The following CACNB2 variants were observed in gnomAD, a reference collection of about 807,000 sequenced individuals.
CACNB2 encodes the protein voltage-dependent L-type calcium channel subunit beta-2.
CACNB2 carries 42 observed loss-of-function variants against 73.3 expected under a neutral mutation model. That is an observed-to-expected ratio of 0.57 (90% CI 0.45 to 0.74). The LOEUF is 0.74. Ranked by LOEUF, CACNB2 falls within the 30% of genes least tolerant of loss-of-function variation. CACNB2 has a pLI of 0.00. For synonymous variants in CACNB2, 348 were observed against 310.3 expected, an observed-to-expected ratio of 1.12 and a Z score of -1.28; for missense variants, 940 against 853.0, an observed-to-expected ratio of 1.10 and a Z score of -1.27.
At chr10:18,501,837 G>C (rs1432952026) in intron 5 of CACNB2, among the ~76,000 whole-genome samples, 1 of 152,054 alleles carries the variant, frequency 6.6e-6, no homozygotes, top group Non-Finnish European at 1.5e-5. Flanking sequence ...TTGTGGTTTG[G>C]AACACCCATC....
chr10:18,228,004 T>C (rs1423054536), intron 2 of CACNB2, among the ~76,000 whole-genome samples: 1 of 152,142 alleles, frequency 6.6e-6, no homozygotes, highest in Non-Finnish European at 1.5e-5. Context: ...AAAAAAAAAT[T>C]TGCAGTCAAC....
chr10:18,408,231 CTTTTT>C (rs71402161), intron 3 of CACNB2, among the ~76,000 whole-genome samples: 1,727 of 78,030 alleles, frequency 0.022, 48 homozygotes, highest in African/African-American at 0.084. Flanking sequence ...CTATCCCTGA[CTTTTT>C]TTTTTTTTTT....
intron 4 of CACNB2, 143 bp downstream of exon 4, chr10:18,498,620 C>G (rs2133013092): frequency 2.4e-6 from 2 of 834,850 alleles, no homozygotes; most frequent in East Asian, 2.6e-5. Flanking sequence ...ATCAATGGCT[C>G]TCAACCTCTG....
At chr10:18,494,645 AAAAAG>A (rs1345630073) in intron 3 of CACNB2, among the ~76,000 whole-genome samples, 22 of 151,334 alleles carry the variant, frequency 1.5e-4, no homozygotes, top group African/African-American at 4.1e-4. Context: ...AAAAAAAAAA[AAAAAG>A]AAAAGAAAAG....
chr10:18,142,013 T>C (rs1012056501), intron 1 of CACNB2, among the ~76,000 whole-genome samples: 1 of 152,164 alleles, frequency 6.6e-6, no homozygotes, highest in Non-Finnish European at 1.5e-5. Flanking sequence ...TAGAGTATCA[T>C]TTGCTGTAGT....
intron 2 of CACNB2, among the ~76,000 whole-genome samples, chr10:18,309,395 C>T (rs756878846): frequency 1.3e-5 from 2 of 152,116 alleles, no homozygotes; most frequent in South Asian, 2.1e-4. Context: ...GTGGTTGGGT[C>T]GGGGCTGCAT....
intron 2 of CACNB2, among the ~76,000 whole-genome samples, chr10:18,370,713 A>G (rs2042544477): frequency 6.6e-6 from 1 of 152,174 alleles, no homozygotes; most frequent in Non-Finnish European, 1.5e-5. Context: ...TAAAATTTCC[A>G]TCATTCTTTA....
chr10:18,380,342 G>C (rs11013938), intron 2 of CACNB2, among the ~76,000 whole-genome samples: 34,942 of 151,794 alleles, frequency 0.23, 4,207 homozygotes, highest in Middle Eastern at 0.36. Flanking sequence ...AGTCTAACTA[G>C]GAGAACCAAA....
intron 2 of CACNB2, among the ~76,000 whole-genome samples, chr10:18,230,366 C>G (rs748755124): frequency 2.6e-5 from 4 of 152,124 alleles, no homozygotes; most frequent in African/African-American, 4.8e-5. Flanking sequence ...ACTCAAGTTG[C>G]CTGTTCCCTC....
rs576430631 is a variant in CACNB2 at position 18,326,657 on chromosome 10, G to T, written c.214-75267G>T. Among the ~76,000 whole-genome samples the T allele has an allele frequency of 1.1e-4, 16 of 152,312 alleles. No homozygotes were observed. In the South Asian group the frequency reaches 3.3e-3, roughly 32 times the overall value. ...CTTCACTTTTCTTTGGAATATGACA[G>T]TTTACCCCTCTGACCACATGAACCT... On this transcript the variant is annotated intron_variant, in intron 2 of 13. Transcript: ENST00000324631.
At chr10:18,404,946 T>C (rs938574810) in intron 3 of CACNB2, among the ~76,000 whole-genome samples, 1 of 152,200 alleles carries the variant, frequency 6.6e-6, no homozygotes, top group African/African-American at 2.4e-5. Context: ...CATGACATTG[T>C]TTTTTAACGT....
chr10:18,310,307 A>T (rs957505869), intron 2 of CACNB2, among the ~76,000 whole-genome samples: 1 of 152,102 alleles, frequency 6.6e-6, no homozygotes, highest in Non-Finnish European at 1.5e-5. Context: ...CATACAATTT[A>T]AAAAAGTGAT....
At position 18,405,602 on chromosome 10, in the gene CACNB2, C is replaced by T. The variant is rs996607382; in HGVS notation, c.333+3559C>T. Among the ~76,000 whole-genome samples, 14 of 152,146 alleles carry T rather than the reference C, an allele frequency of 9.2e-5. 1 individual carries two copies. The highest frequency in any genetic ancestry group is 9.2e-4 in the Admixed American group (14 of 15,276). ...CTTTGATCCTCAAAAACGATGCCTT[C>T]TGCCCTATATACAGGGACTCTGAGT... On this transcript the variant is annotated intron_variant, in intron 3 of 13. Coordinates refer to ENST00000324631, the MANE Select transcript of CACNB2 (RefSeq NM_201596.3).
In CACNB2 at chr10:18,207,881, G is replaced by A. The variant is rs74117906; in HGVS notation, c.213+56906G>A. 8.1e-3 allele frequency among the ~76,000 whole-genome samples: 1,237 copies of A among 152,146 alleles called. 20 individuals carry two copies. The highest frequency in any genetic ancestry group is 0.028 in the African/African-American group (1,179 of 41,516). Reference sequence around the variant, plus strand: ...TTACAAATAAGTAAAAAGAATCATCGTTATGAAAAAGGAGTTATCATTGTA... The same window carrying A: ...TTACAAATAAGTAAAAAGAATCATCATTATGAAAAAGGAGTTATCATTGTA... On this transcript the variant is annotated intron_variant, in intron 2 of 13. Transcript: ENST00000324631.
In CACNB2 at chr10:18,220,247, A is replaced by G. The variant is rs1179542442; in HGVS notation, c.213+69272A>G. On this transcript the variant is annotated intron_variant, in intron 2 of 13. Coordinates refer to ENST00000324631, the MANE Select transcript of CACNB2 (RefSeq NM_201596.3). The stretch of plus-strand genomic sequence containing the variant: ...TATATATATATAGAGAGAGAGAGAG[A>G]GAGAGAGAGAGAGAGAGAGAGAGAG... Among the ~76,000 whole-genome samples the G allele has an allele frequency of 3.7e-3, 372 of 101,594 alleles. 28 individuals carry two copies. The highest frequency in any genetic ancestry group is 0.018 in the African/African-American group (362 of 19,868). The allele number at this position is 101,594 out of a possible 152,430, so 66.6% of individuals were successfully genotyped here.
rs898896994 is a variant in CACNB2 at position 18,176,883 on chromosome 10, G to A, written c.213+25908G>A. 5.9e-5 allele frequency among the ~76,000 whole-genome samples: 9 copies of A among 151,936 alleles called. No individual in the cohort carries two copies. In the South Asian group the frequency reaches 6.3e-4, roughly 11 times the overall value. On this transcript the variant is annotated intron_variant, in intron 2 of 13. Coordinates refer to ENST00000324631, the MANE Select transcript of CACNB2 (RefSeq NM_201596.3). ...TTCAGGGGACATTGAGAAGGTATGC[G>A]GGGAATGAGTGAAGATAAGGAAGAG...
intron 3 of CACNB2, among the ~76,000 whole-genome samples, chr10:18,465,711 T>A (rs1271929843): frequency 6.7e-6 from 1 of 150,048 alleles, no homozygotes; most frequent in Non-Finnish European, 1.5e-5. Flanking sequence ...AGATGGCCTC[T>A]CCCTTTGTCA....
At chr10:18,313,632 A>G (rs1205522752) in intron 2 of CACNB2, among the ~76,000 whole-genome samples, 2 of 152,220 alleles carry the variant, frequency 1.3e-5, no homozygotes, top group Non-Finnish European at 2.9e-5. Context: ...AGGAGAATGT[A>G]ATTAAGATTA....
At chr10:18,472,312 C>G (rs1299855624) in intron 3 of CACNB2, among the ~76,000 whole-genome samples, 1 of 143,276 alleles carries the variant, frequency 7.0e-6, no homozygotes, top group Non-Finnish European at 1.5e-5. Context: ...TCTCGGCTCA[C>G]TGCAACCTCT....
Sources: gnomAD v4.1 joint callset for allele counts (sites outside exome capture counted in the v4.1 genomes callset) on GRCh38, gnomAD v4.1.1 for gene constraint, MANE v1.5 for transcripts, NCBI Gene and HGNC (gene_info 2026-07-23, HGNC 2026-07-21) for gene names.